Variants in USP50 observed in about 807,000 individuals in gnomAD.
The protein encoded by USP50 is ubiquitin specific peptidase 50.
Under a neutral mutation model 39.2 loss-of-function variants are expected in USP50, and 37 were observed. The observed-to-expected ratio is 0.94, with a 90% CI of 0.73 to 1.24. The LOEUF is 1.24. USP50 is among the 50% of genes most tolerant of loss of function. USP50 has a pLI of 0.00. For missense variants in USP50, 374 were observed against 398.2 expected (o/e 0.94, Z 0.52); for synonymous variants, 139 against 144.5 (o/e 0.96, Z 0.27).
At chr15:50,539,134 G>C (rs1286028508) in intron 4 of USP50, among the ~76,000 whole-genome samples, 1 of 147,266 alleles carries the variant, frequency 6.8e-6, no homozygotes, top group Non-Finnish European at 1.5e-5. Context: ...TTTTGAGATG[G>C]AGTCTCGCTC....
At position 50,538,768 on chromosome 15, in the gene USP50, T is replaced by C. The variant is rs751784112; in HGVS notation, c.744A>G (p.Glu248=). 1.2e-6 allele frequency: 2 copies of C among 1,613,748 alleles called. No homozygotes were observed. The highest frequency in any genetic ancestry group is 2.2e-5 in the South Asian group (2 of 91,000). Residue 248 remains glutamate, a synonymous_variant, in exon 5 of 7, where the codon GAA becomes GAG. Transcript: ENST00000532404. ...TGGAAATACTGGCCCTCACAGCAGT[T>C]TCTTGCTTGGTTTCACAAAAGGAGC... ...IHCSFCETKQ[E]TAVRASISKA... is the part of the protein sequence containing the mutation.
intron 6 of USP50, among the ~76,000 whole-genome samples, chr15:50,527,205 CT>C (rs1182517400): frequency 6.6e-6 from 1 of 151,854 alleles, no homozygotes; most frequent in African/African-American, 2.4e-5. Flanking sequence ...GCCTGAGATT[CT>C]TTTTTTTCTT....
chr15:50,522,361 G>A (rs992121428), intron 6 of USP50, among the ~76,000 whole-genome samples: 2 of 152,210 alleles, frequency 1.3e-5, no homozygotes, highest in African/African-American at 2.4e-5. Flanking sequence ...GGAGAAGGTT[G>A]CAGAATAGAT....
chr15:50,512,335 A>G (rs2052749229), intron 6 of USP50: 1 of 151,902 alleles, frequency 6.6e-6, no homozygotes, highest in African/African-American at 2.4e-5. Flanking sequence ...TAAAAAAAAA[A>G]AAAATAGCGA....
At chr15:50,497,354 C>T (rs145329780), downstream of USP50, 202 of 1,236,208 alleles carry the variant, frequency 1.6e-4, 2 homozygotes, top group East Asian at 5.4e-3. Context: ...TATCTGGTTA[C>T]AGTAGATCTA....
intron 6 of USP50, among the ~76,000 whole-genome samples, chr15:50,521,667 A>G (rs1202393081): frequency 1.3e-5 from 2 of 152,246 alleles, no homozygotes; most frequent in Non-Finnish European, 2.9e-5. Flanking sequence ...AAGACAACTC[A>G]AAATCAGAAA....
chr15:50,538,165 T>C (rs572845429), intron 5 of USP50, among the ~76,000 whole-genome samples: 2 of 147,942 alleles, frequency 1.4e-5, no homozygotes, highest in African/African-American at 5.0e-5. Flanking sequence ...TAGTCCCAGC[T>C]ACTTGGGAGG....
At chr15:50,529,335 C>T (rs1053642943) in intron 6 of USP50, among the ~76,000 whole-genome samples, 1 of 148,328 alleles carries the variant, frequency 6.7e-6, no homozygotes. Context: ...CATAGTGAAA[C>T]CTCATCTCTA....
downstream of USP50, chr15:50,493,522 G>A (rs145370497): frequency 8.1e-5 from 42 of 517,288 alleles, no homozygotes; most frequent in African/African-American, 6.3e-4. Context: ...GGAGGCTGAC[G>A]TGGGCAGATC....
chr15:50,528,994 T>G (rs2052919435), intron 6 of USP50, among the ~76,000 whole-genome samples: 1 of 152,160 alleles, frequency 6.6e-6, no homozygotes. Flanking sequence ...ACAGAATGGC[T>G]TGCTACTTGG....
intron 5 of USP50, among the ~76,000 whole-genome samples, chr15:50,536,480 A>C (rs976544307): frequency 2.0e-5 from 3 of 152,118 alleles, no homozygotes; most frequent in South Asian, 2.1e-4. Context: ...GTCTCTACTG[A>C]AAATACAAAA....
chr15:50,495,741 C>T, downstream of USP50: 1 of 866,468 alleles, frequency 1.2e-6, no homozygotes, highest in Admixed American at 2.7e-5. Flanking sequence ...TTTATGAGAA[C>T]TACAGGTGTT....
chr15:50,521,942 C>G (rs1159571718), intron 6 of USP50, among the ~76,000 whole-genome samples: 4 of 152,062 alleles, frequency 2.6e-5, no homozygotes, highest in African/African-American at 9.7e-5. Context: ...CCAGCCTGGG[C>G]AATAGAACGA....
intron 5 of USP50, among the ~76,000 whole-genome samples, chr15:50,537,340 C>T (rs993923857): frequency 6.6e-6 from 1 of 151,888 alleles, no homozygotes; most frequent in Non-Finnish European, 1.5e-5. Flanking sequence ...CAGAAAACTA[C>T]AAAACTCCTG....
Position 50,525,155 on chromosome 15 carries a change from T to C in USP50, c.936+4642A>G, listed in dbSNP as rs189881610. On this transcript the variant is annotated intron_variant, in intron 6 of 6. Coordinates refer to ENST00000532404, the MANE Select transcript of USP50 (RefSeq NM_203494.5). ...TGGAACTGGAGGACATTATGCTAAG[T>C]GAAATAAGCCAGGCACAGAAAGACA... is the stretch of plus-strand genomic sequence containing the variant. Among the ~76,000 whole-genome samples, 3 of 152,254 alleles carry C rather than the reference T, an allele frequency of 2.0e-5. No individual in the cohort carries two copies. The East Asian group carries it at 5.8e-4, about 29-fold the overall frequency.
Position 50,500,729 on chromosome 15 carries a change from T to TCAGTG in USP50, c.*39_*40insCACTG. 6.5e-7 allele frequency: 1 copy of TCAGTG among 1,543,740 alleles called. No homozygotes were observed. Among genetic ancestry groups the TCAGTG allele is most frequent in the African/African-American group, 1.4e-5 (1 of 73,482 alleles). ...AGATCCATAGCATTTTGAACAGAAG[T>TCAGTG]ATCTGGAATCTCACTGACTCGTGTG... On this transcript the variant is annotated 3_prime_UTR_variant, in exon 7 of 7. Transcript: ENST00000532404.
downstream of USP50, chr15:50,499,016 T>C (rs780803385): frequency 6.2e-7 from 1 of 1,613,874 alleles, no homozygotes; most frequent in African/African-American, 1.3e-5. Context: ...CCGTTTCTTC[T>C]GTGAAATCTT....
chr15:50,541,657 A>T (rs2053030992), intron 3 of USP50, among the ~76,000 whole-genome samples: 1 of 152,164 alleles, frequency 6.6e-6, no homozygotes, highest in Admixed American at 6.5e-5. Flanking sequence ...GTGATTTCTG[A>T]TAATTCAGAT....
chr15:50,510,075 A>G (rs2052717577), intron 6 of USP50: 1 of 152,168 alleles, frequency 6.6e-6, no homozygotes, highest in Non-Finnish European at 1.5e-5. Context: ...TTTTATAGCT[A>G]TAATTAATAC....
Sources: allele counts gnomAD v4.1 joint callset (sites outside exome capture counted in the v4.1 genomes callset), GRCh38; gene constraint gnomAD v4.1.1; transcripts MANE v1.5; gene names NCBI Gene and HGNC (gene_info 2026-07-23, HGNC 2026-07-21).